MARCHF1: variants seen among roughly 807,000 people sequenced by gnomAD.
MARCHF1 encodes the protein E3 ubiquitin-protein ligase MARCHF1.
In MARCHF1, 40 loss-of-function variants were observed where a neutral mutation model predicts 54.2. That is an observed-to-expected ratio of 0.74 (90% CI 0.57 to 0.96). The LOEUF is 0.96. Ranked by LOEUF, MARCHF1 falls within the 40% of genes least tolerant of loss-of-function variation. The pLI is 0.00. For synonymous variants in MARCHF1, 236 were observed against 236.3 expected (o/e 1.00, Z 0.01); for missense variants, 586 against 656.5 (o/e 0.89, Z 1.17).
Position 163,908,747 on chromosome 4 carries a change from C to A in MARCHF1, c.-38-54578G>T, listed in dbSNP as rs574592919. Among the ~76,000 whole-genome samples, 26 of 152,174 alleles carry A rather than the reference C, an allele frequency of 1.7e-4. 1 individual carries two copies. The South Asian group carries it at 4.6e-3, about 27-fold the overall frequency. On this transcript the variant is annotated intron_variant, in intron 3 of 9. Coordinates refer to ENST00000514618, the MANE Select transcript of MARCHF1 (RefSeq NM_001394959.1). ...TGGCCCCAGGAGTCTTGGCTAAGGG[C>A]TAAAATGTAATCCTGCGAGCATCTC...
chr4:163,776,500 A>G (rs1362117910), intron 4 of MARCHF1, among the ~76,000 whole-genome samples: 1 of 152,074 alleles, frequency 6.6e-6, no homozygotes, highest in East Asian at 1.9e-4. Context: ...ATAAAGCACA[A>G]TTTTCCAATA....
Position 163,902,755 on chromosome 4 carries a change from G to A in MARCHF1, c.-38-48586C>T, listed in dbSNP as rs192652851. ...AAAGCTTCCAATTGCCAGTCATGAT[G>A]AACAAATACATATCATTATTACTGC... On this transcript the variant is annotated intron_variant, in intron 3 of 9. Coordinates refer to ENST00000514618, the MANE Select transcript of MARCHF1 (RefSeq NM_001394959.1). Among the ~76,000 whole-genome samples the A allele has an allele frequency of 2.9e-4, 44 of 152,254 alleles. 1 individual carries two copies. The highest frequency in any genetic ancestry group is 1.0e-3 in the African/African-American group (43 of 41,560).
chr4:163,612,388 A>G lies in MARCHF1; in HGVS notation c.893T>C (p.Ile298Thr). 1 of 1,535,374 alleles carries G rather than the reference A, an allele frequency of 6.5e-7. No homozygotes were observed. Among genetic ancestry groups the G allele is most frequent in the East Asian group, 2.4e-5 (1 of 40,894 alleles). ...TFSETDSSTEILGVPEGSKDM... is the reference protein window; with the variant it reads ...TFSETDSSTETLGVPEGSKDM... ...CTTGCTGCCTTCTGGAACTCCCAGTATTTCAGTGCTGGAATCTGTTTCTGA... is the reference window on the plus strand; with the variant it reads ...CTTGCTGCCTTCTGGAACTCCCAGTGTTTCAGTGCTGGAATCTGTTTCTGA... Residue 298 changes from isoleucine (I) to threonine (T), a missense_variant, in exon 7 of 10, where the codon ATA (isoleucine) becomes ACA (threonine). By Grantham distance (89) the Ile-to-Thr change is moderately conservative. Around this residue, in one of 3 missense-constraint regions of MARCHF1, gnomAD observed 387 missense variants for 394.6 expected, o/e 0.98. Transcript: ENST00000514618.
chr4:164,251,744 C>T (rs1179499578), intron 1 of MARCHF1, among the ~76,000 whole-genome samples: 1 of 151,990 alleles, frequency 6.6e-6, no homozygotes, highest in African/African-American at 2.4e-5. Context: ...CAGCAGAATT[C>T]CCAACACAGA....
At chr4:163,659,796 A>G (rs1247304581) in intron 5 of MARCHF1, among the ~76,000 whole-genome samples, 1 of 152,146 alleles carries the variant, frequency 6.6e-6, no homozygotes, top group African/African-American at 2.4e-5. Flanking sequence ...AACATACGGA[A>G]AAAAGCTGAC....
intron 1 of MARCHF1, among the ~76,000 whole-genome samples, chr4:164,176,968 C>CAA: frequency 2.3e-5 from 1 of 43,336 alleles, no homozygotes; most frequent in South Asian, 1.1e-3. Flanking sequence ...CTCTCTCTCT[C>CAA]TCTCTCTCTC....
At chr4:164,034,072 T>TAGAC (rs1753940660) in intron 2 of MARCHF1, among the ~76,000 whole-genome samples, 1 of 38,640 alleles carries the variant, frequency 2.6e-5, no homozygotes, top group Non-Finnish European at 4.6e-5. Context: ...GATAGACAGA[T>TAGAC]AGATAGATAG....
chr4:164,319,088 T>C (rs1413993490), intron 1 of MARCHF1, among the ~76,000 whole-genome samples: 8 of 152,140 alleles, frequency 5.3e-5, no homozygotes. Flanking sequence ...TCCACATCCA[T>C]GGATTCAATC....
intron 3 of MARCHF1, among the ~76,000 whole-genome samples, chr4:163,940,041 C>T (rs1751879679): frequency 1.3e-5 from 2 of 152,192 alleles, no homozygotes; most frequent in East Asian, 1.9e-4. Flanking sequence ...GGAGTTAGTG[C>T]CCTTCTAAGA....
At position 164,240,188 on chromosome 4, in the gene MARCHF1, G is replaced by T. The variant is rs564760732; in HGVS notation, c.-322-128526C>A. On this transcript the variant is annotated intron_variant, in intron 1 of 9. Transcript: ENST00000514618. ...GAGACTGGAATGTTCCTTTACTCTT[G>T]TTTTGTCAATAAGCCTCTTCAAGTT... Among the ~76,000 whole-genome samples the T allele has an allele frequency of 8.5e-5, 13 of 152,226 alleles. No homozygotes were observed. The South Asian group carries it at 2.1e-3, about 24-fold the overall frequency.
intron 2 of MARCHF1, among the ~76,000 whole-genome samples, chr4:164,059,021 A>G (rs1754554860): frequency 6.6e-6 from 1 of 152,204 alleles, no homozygotes; most frequent in Non-Finnish European, 1.5e-5. Context: ...AACAGCCTTA[A>G]CAGCTTGCAA....
intron 1 of MARCHF1, among the ~76,000 whole-genome samples, chr4:164,220,537 CTATA>C (rs1732067570): frequency 7.0e-6 from 1 of 142,858 alleles, no homozygotes; most frequent in South Asian, 2.2e-4. Context: ...TGATATATAT[CTATA>C]TATGTACTAT....
chr4:164,096,932 T>G (rs1436913971), intron 2 of MARCHF1, among the ~76,000 whole-genome samples: 1 of 152,144 alleles, frequency 6.6e-6, no homozygotes, highest in Non-Finnish European at 1.5e-5. Flanking sequence ...AAGAAATCAC[T>G]GAAGCCTTTA....
intron 1 of MARCHF1, among the ~76,000 whole-genome samples, chr4:164,259,710 T>C (rs1197658812): frequency 6.6e-6 from 1 of 152,066 alleles, no homozygotes; most frequent in Non-Finnish European, 1.5e-5. Context: ...GAGGTAGGTA[T>C]ATATAGGTAA....
chr4:164,365,410 T>A (rs1256339948), intron 1 of MARCHF1, among the ~76,000 whole-genome samples: 1 of 152,070 alleles, frequency 6.6e-6, no homozygotes, highest in Non-Finnish European at 1.5e-5. Flanking sequence ...AGATCTTTCT[T>A]GTTTCATAAG....
chr4:164,075,458 A>G (rs749366299), intron 2 of MARCHF1, among the ~76,000 whole-genome samples: 1 of 152,234 alleles, frequency 6.6e-6, no homozygotes, highest in Non-Finnish European at 1.5e-5. Flanking sequence ...GGCTAGTCCT[A>G]TGCAGCCCCA....
rs1197049181 is a variant in MARCHF1, at chr4:164,299,744, C to T, written c.-323+84126G>A. 3.3e-5 allele frequency among the ~76,000 whole-genome samples: 5 copies of T among 152,094 alleles called. No individual in the cohort carries two copies. The East Asian group carries it at 9.7e-4, about 29-fold the overall frequency. ...GAATGGAGTGGGTTCTGACTGGGCT[C>T]TGACTCTGTGCAATGCTATATTCAA... is the stretch of plus-strand genomic sequence containing the variant. On this transcript the variant is annotated intron_variant, in intron 1 of 9. Transcript: ENST00000514618.
intron 5 of MARCHF1, among the ~76,000 whole-genome samples, chr4:163,616,801 CTATT>C (rs1741525948): frequency 6.6e-6 from 1 of 151,612 alleles, no homozygotes; most frequent in Admixed American, 6.6e-5. Flanking sequence ...CTCATATATA[CTATT>C]GTTGGAATGT....
chr4:164,258,711 G>A (rs1733365508), intron 1 of MARCHF1, among the ~76,000 whole-genome samples: 1 of 151,970 alleles, frequency 6.6e-6, no homozygotes, highest in African/African-American at 2.4e-5. Flanking sequence ...AAAATAAAGT[G>A]TATCTCTTTG....
Sources: allele counts gnomAD v4.1 joint callset (sites outside exome capture counted in the v4.1 genomes callset), GRCh38; gene constraint gnomAD v4.1.1; regional missense constraint gnomAD v4.1.1; transcripts MANE v1.5; gene names NCBI Gene and HGNC (gene_info 2026-07-23, HGNC 2026-07-21).